Variants in UBE2L3 observed in about 807,000 individuals in gnomAD.
UBE2L3 encodes ubiquitin conjugating enzyme E2 L3.
In UBE2L3, 1 loss-of-function variant was observed where a neutral mutation model predicts 17.8. The observed-to-expected ratio is 0.06, with a 90% CI of 0.02 to 0.27. UBE2L3 has a LOEUF of 0.27. Ranked by LOEUF, UBE2L3 falls within the 10% of genes least tolerant of loss-of-function variation. UBE2L3 has a pLI of 1.00. For synonymous variants in UBE2L3, 44 were observed against 68.5 expected, an observed-to-expected ratio of 0.64 and a Z score of 1.76; for missense variants, 40 against 192.6, an observed-to-expected ratio of 0.21 and a Z score of 4.69.
Position 21,598,833 on chromosome 22 carries a change from CCCGCCTAGTT to C in UBE2L3, c.123+5880_123+5889del, listed in dbSNP as rs574170282. On this transcript the variant is annotated intron_variant, in intron 2 of 3. Transcript: ENST00000342192. ...ACAAGCATGAGCCACCATGCCCCCA[CCCGCCTAGTT>C]CCATTTCTTTTTTTTTTGAGACAGA... is the stretch of plus-strand genomic sequence containing the variant. 2.1e-4 allele frequency among the ~76,000 whole-genome samples: 30 copies of C among 145,014 alleles called. No homozygotes were observed. The South Asian group carries it at 6.4e-3, about 31-fold the overall frequency.
At chr22:21,567,898 C>T (rs1926723011) in intron 1 of UBE2L3, 127 bp downstream of exon 1, 1 of 1,520,472 alleles carries the variant, frequency 6.6e-7, no homozygotes, top group Admixed American at 2.2e-5. Context: ...TCGTCGGTTC[C>T]CTGGGCCGCG....
chr22:21,558,894 G>A (rs1926333873), intron 1 of UBE2L3, among the ~76,000 whole-genome samples: 2 of 151,956 alleles, frequency 1.3e-5, no homozygotes, highest in Admixed American at 6.6e-5. Context: ...GTAAATACAG[G>A]ACTGAAGAAG....
intron 1 of UBE2L3, among the ~76,000 whole-genome samples, chr22:21,575,075 G>A (rs1334242640): frequency 7.3e-5 from 11 of 151,074 alleles, no homozygotes; most frequent in Non-Finnish European, 1.3e-4. Flanking sequence ...TGGTCAACAT[G>A]GTGAAACCCC....
In UBE2L3 at chr22:21,622,794, C is replaced by G. The variant is rs181712621; in HGVS notation, c.*1125C>G. The G allele has an allele frequency of 1.3e-5, 2 of 153,014 alleles. No homozygotes were observed. The highest frequency in any genetic ancestry group is 4.8e-5 in the African/African-American group (2 of 41,574). 9.5% of individuals were successfully genotyped at this position (153,014 alleles called of 1,614,324 possible). A position where few individuals can be genotyped will look rare whatever the true frequency, so the allele number is the denominator to read the frequency against. The stretch of plus-strand genomic sequence containing the variant: ...CAGCCAGCCCAGCCCGGGAACAAGA[C>G]GGACTTCCTCTCCCTTCGGACTCAC... On this transcript the variant is annotated 3_prime_UTR_variant, in exon 4 of 4. Coordinates refer to ENST00000342192, the MANE Select transcript of UBE2L3 (RefSeq NM_003347.4).
chr22:21,611,118 A>G (rs2148441918), intron 3 of UBE2L3, 75 bp downstream of exon 3: 1 of 1,433,038 alleles, frequency 7.0e-7, no homozygotes, highest in African/African-American at 1.4e-5. Flanking sequence ...TTCTGGTACC[A>G]GATCAGACAG....
intron 1 of UBE2L3, 136 bp downstream of exon 1, chr22:21,567,907 C>A: frequency 1.3e-6 from 2 of 1,511,088 alleles, no homozygotes; most frequent in Non-Finnish European, 1.8e-6. Flanking sequence ...CCCTGGGCCG[C>A]GCGCAGGCTC....
chr22:21,605,695 G>A (rs997699021), intron 2 of UBE2L3, among the ~76,000 whole-genome samples: 1 of 152,072 alleles, frequency 6.6e-6, no homozygotes, highest in African/African-American at 2.4e-5. Context: ...TAGTAGAAAC[G>A]GGGTTTCACC....
At position 21,621,838 on chromosome 22, in the gene UBE2L3, C is replaced by T. The variant is rs888679440; in HGVS notation, c.*169C>T. ...TCTTAATCAAAAGTGGTCTAGGTAA[C>T]CTGTAAAGAAAGGATTAAAAATTTA... On this transcript the variant is annotated 3_prime_UTR_variant, in exon 4 of 4. Coordinates refer to ENST00000342192, the MANE Select transcript of UBE2L3 (RefSeq NM_003347.4). 5.2e-6 allele frequency: 3 copies of T among 574,590 alleles called. No homozygotes were observed. The highest frequency in any genetic ancestry group is 2.4e-5 in the South Asian group (1 of 42,542). The allele number at this position is 574,590 out of a possible 1,614,324, so 35.6% of individuals were successfully genotyped here. A position where few individuals can be genotyped will look rare whatever the true frequency, so the allele number is the denominator to read the frequency against.
intron 2 of UBE2L3, among the ~76,000 whole-genome samples, chr22:21,597,226 C>T (rs1036993009): frequency 2.6e-5 from 4 of 152,078 alleles, no homozygotes; most frequent in Non-Finnish European, 4.4e-5. Flanking sequence ...GTGATCTGTC[C>T]GCCTCAGCCT....
At chr22:21,551,992 TAC>T (rs750566572) in intron 1 of UBE2L3, among the ~76,000 whole-genome samples, 20,171 of 99,356 alleles carry the variant, frequency 0.2, 1,810 homozygotes, top group African/African-American at 0.26. Flanking sequence ...ACTGAAGAAA[TAC>T]ACACACACAC....
chr22:21,599,644 C>A (rs1186347071), intron 2 of UBE2L3, among the ~76,000 whole-genome samples: 1 of 152,134 alleles, frequency 6.6e-6, no homozygotes. Flanking sequence ...AAAATATAGG[C>A]AGTGTGAGGA....
chr22:21,616,743 A>AC (rs151096796), intron 3 of UBE2L3, among the ~76,000 whole-genome samples: 2,280 of 136,524 alleles, frequency 0.017, 28 homozygotes, highest in South Asian at 0.021. Flanking sequence ...AAAACAAAAC[A>AC]CCCCCCCCCT....
intron 3 of UBE2L3, among the ~76,000 whole-genome samples, chr22:21,612,482 C>T (rs1299442066): frequency 6.6e-6 from 1 of 151,606 alleles, no homozygotes; most frequent in African/African-American, 2.4e-5. Flanking sequence ...CCCGCCACCA[C>T]GCCCGGCTAA....
At chr22:21,594,169 C>G (rs2148423933) in intron 2 of UBE2L3, among the ~76,000 whole-genome samples, 1 of 152,362 alleles carries the variant, frequency 6.6e-6, no homozygotes, top group East Asian at 1.9e-4. Flanking sequence ...ATCTGAGCCT[C>G]TGGCCCTTGC....
At chr22:21,569,560 A>G (rs895270396) in intron 1 of UBE2L3, among the ~76,000 whole-genome samples, 3 of 152,128 alleles carry the variant, frequency 2.0e-5, no homozygotes, top group African/African-American at 7.2e-5. Context: ...AGATAACTCA[A>G]TTCTTTCACT....
chr22:21,602,180 A>G (rs988859907), intron 2 of UBE2L3, among the ~76,000 whole-genome samples: 7 of 152,110 alleles, frequency 4.6e-5, no homozygotes, highest in Non-Finnish European at 1.0e-4. Context: ...GCTGCTGTGG[A>G]GTCGCCACCA....
intron 1 of UBE2L3, among the ~76,000 whole-genome samples, chr22:21,586,911 G>A (rs1255418764): frequency 1.5e-5 from 2 of 131,586 alleles, no homozygotes; most frequent in East Asian, 2.2e-4. Context: ...ATAGGTTCTC[G>A]CTCTGTCGCC....
intron 2 of UBE2L3, among the ~76,000 whole-genome samples, chr22:21,607,471 C>T (rs1230558751): frequency 2.0e-5 from 3 of 147,998 alleles, no homozygotes; most frequent in Admixed American, 6.8e-5. Flanking sequence ...GCTGAGATCG[C>T]GCCACTGCAC....
chr22:21,568,459 C>T (rs1926768787), intron 1 of UBE2L3: 1 of 983,118 alleles, frequency 1.0e-6, no homozygotes, highest in Non-Finnish European at 1.2e-6. Context: ...TCAGTCATCC[C>T]GATCTCCCCT....
Sources: gnomAD v4.1 joint callset for allele counts (sites outside exome capture counted in the v4.1 genomes callset) on GRCh38, gnomAD v4.1.1 for gene constraint, MANE v1.5 for transcripts, NCBI Gene and HGNC (gene_info 2026-07-23, HGNC 2026-07-21) for gene names.